The following PPP2R3B variants were observed in gnomAD, a reference collection of about 807,000 sequenced individuals.
The protein encoded by PPP2R3B is protein phosphatase 2 regulatory subunit B''beta.
Under a neutral mutation model 72.9 loss-of-function variants are expected in PPP2R3B, and 68 were observed. The observed-to-expected ratio is 0.93, with a 90% CI of 0.77 to 1.14. The LOEUF (loss-of-function observed/expected upper bound fraction) is 1.14, where lower values mean the gene tolerates loss of function less well. Ranked by LOEUF, PPP2R3B falls within the 50% of genes most tolerant of loss-of-function variation. PPP2R3B has a pLI of 0.00. For synonymous variants in PPP2R3B, 466 were observed against 375.8 expected (o/e 1.24, Z -2.78); for missense variants, 1,018 against 842.0 (o/e 1.21, Z -2.59).
chrX:381,322 A>G (rs2072119085), intron 1 of PPP2R3B, among the ~76,000 whole-genome samples: 1 of 152,202 alleles, frequency 6.6e-6, no homozygotes, highest in African/African-American at 2.4e-5. Context: ...CTCTCTGCTC[A>G]GTAACGATGA....
chrX:345,759 G>A, intron 6 of PPP2R3B, 87 bp from the exon 7 acceptor site: 2 of 1,516,056 alleles, frequency 1.3e-6, no homozygotes, highest in Non-Finnish European at 9.0e-7. Context: ...AGGGAAGGCT[G>A]GGAGGGTCGG....
rs1428126403 is a variant in PPP2R3B at position 386,439 on chromosome X, G to C, written c.253C>G (p.Leu85Val). 6 of 1,317,064 alleles carry C rather than the reference G, an allele frequency of 4.6e-6. No individual in the cohort carries two copies. In the African/African-American group the frequency reaches 6.0e-5, roughly 13 times the overall value. 81.6% of individuals were successfully genotyped at this position (1,317,064 alleles called of 1,614,324 possible). The change falls in exon 1 of 13, where the codon CTG becomes GTG. Residue 85 changes from leucine (L) to valine (V), a missense_variant. Leu to Val is a conservative substitution (Grantham distance 32). Coordinates refer to ENST00000390665, the MANE Select transcript of PPP2R3B (RefSeq NM_013239.5). ...GTPGPGPALP[L>V]GAASSPRNAP... ...TTCCTGGGGCTGGAGGCGGCGCCCA[G>C]GGGCAGCGCAGGGCCCGGCCCGGGG... is the stretch of plus-strand genomic sequence containing the variant.
chrX:336,422 G>A (rs6645102), intron 12 of PPP2R3B: 49,199 of 151,944 alleles, frequency 0.32, 8,258 homozygotes, highest in African/African-American at 0.38. Flanking sequence ...TTACCGCTGC[G>A]TGAGGGGAGA....
At chrX:374,011 C>T (rs2071932479) in intron 1 of PPP2R3B, 1 of 152,524 alleles carries the variant, frequency 6.6e-6, no homozygotes, top group Admixed American at 6.5e-5. Flanking sequence ...TCCGGCCGGG[C>T]AAGGGGGCGC....
chrX:347,470 C>T (rs772510116), intron 3 of PPP2R3B, 120 bp downstream of exon 3: 3 of 1,345,272 alleles, frequency 2.2e-6, no homozygotes, highest in Non-Finnish European at 3.2e-6. Context: ...CAGGCCTGTG[C>T]CCGTACAAGG....
intron 1 of PPP2R3B, among the ~76,000 whole-genome samples, chrX:376,532 G>A (rs1281401600): frequency 4.5e-4 from 61 of 136,120 alleles, no homozygotes; most frequent in Middle Eastern, 8.2e-3. Flanking sequence ...GGGACGGGCC[G>A]TCCACACCCA....
At chrX:346,546 G>A (rs1368709945) in intron 5 of PPP2R3B, 155 bp downstream of exon 5, 1 of 733,962 alleles carries the variant, frequency 1.4e-6, no homozygotes, top group Non-Finnish European at 2.2e-6. Flanking sequence ...CCGGGCTCCC[G>A]GGCGGGTGGA....
rs2072249284 is a variant in PPP2R3B, at chrX:386,357, G to C, written c.324+11C>G. 2.3e-6 allele frequency: 3 copies of C among 1,311,224 alleles called. No individual in the cohort carries two copies. The highest frequency in any genetic ancestry group is 3.0e-5 in the African/African-American group (2 of 66,218). The allele number at this position is 1,311,224 out of a possible 1,614,324, so 81.2% of individuals were successfully genotyped here. On this transcript the variant is annotated intron_variant, in intron 1 of 12. Coordinates refer to ENST00000390665, the MANE Select transcript of PPP2R3B (RefSeq NM_013239.5). ...CCTGCGCAGTTGTTAGCAGAAGGAA[G>C]AGTAACTTACTACTCTCGTCCCTGC... is the stretch of plus-strand genomic sequence containing the variant.
chrX:351,014 G>C (rs575998673), intron 2 of PPP2R3B, among the ~76,000 whole-genome samples: 56 of 152,202 alleles, frequency 3.7e-4, no homozygotes, highest in Non-Finnish European at 4.7e-4. Context: ...GTGACCACGG[G>C]GGGGCGTGGG....
At chrX:348,127 T>C (rs2071261516) in intron 2 of PPP2R3B, among the ~76,000 whole-genome samples, 1 of 152,086 alleles carries the variant, frequency 6.6e-6, no homozygotes, top group Non-Finnish European at 1.5e-5. Flanking sequence ...TTCACAGCCT[T>C]AAATACACGC....
chrX:369,054 C>T (rs1359265383), intron 1 of PPP2R3B, among the ~76,000 whole-genome samples: 3 of 152,224 alleles, frequency 2.0e-5, no homozygotes, highest in Admixed American at 6.5e-5. Flanking sequence ...CTTTTCAACA[C>T]ACACAGCTCA....
chrX:374,352 C>A (rs917311589), intron 1 of PPP2R3B, among the ~76,000 whole-genome samples: 66 of 152,332 alleles, frequency 4.3e-4, no homozygotes, highest in African/African-American at 1.5e-3. Context: ...CCCAGACATC[C>A]CGGCAGCCCG....
At chrX:375,309 C>T (rs1316156212) in intron 1 of PPP2R3B, among the ~76,000 whole-genome samples, 8 of 152,104 alleles carry the variant, frequency 5.3e-5, no homozygotes, top group African/African-American at 9.7e-5. Flanking sequence ...CAGTAACCCA[C>T]GATGCGGGGC....
At position 386,800 on chromosome X, in the gene PPP2R3B, G is replaced by C; in HGVS notation, c.-109C>G. 1 of 626,190 alleles carries C rather than the reference G, an allele frequency of 1.6e-6. No homozygotes were observed. The highest frequency in any genetic ancestry group is 2.1e-6 in the Non-Finnish European group (1 of 466,118). 38.8% of individuals were successfully genotyped at this position (626,190 alleles called of 1,614,324 possible). ...GTGATGCGAGCACGGCCCGCTGAGGGGGCGCGGCGCAGGGAACAGGGCCCG... is the reference window on the plus strand; with the variant it reads ...GTGATGCGAGCACGGCCCGCTGAGGCGGCGCGGCGCAGGGAACAGGGCCCG... On this transcript the variant is annotated 5_prime_UTR_variant, in exon 1 of 13. Transcript: ENST00000390665.
intron 1 of PPP2R3B, among the ~76,000 whole-genome samples, chrX:368,180 G>C (rs1023112110): frequency 3.4e-5 from 5 of 147,926 alleles, no homozygotes; most frequent in Admixed American, 2.7e-4. Context: ...ACCCACCTTG[G>C]GCACTGACGG....
rs1030098978 is a variant in PPP2R3B at position 386,568 on chromosome X, G to A, written c.124C>T (p.Pro42Ser). 4.9e-6 allele frequency: 7 copies of A among 1,442,152 alleles called. No individual in the cohort carries two copies. The African/African-American group carries it at 1.0e-4, about 21-fold the overall frequency. 89.3% of individuals were successfully genotyped at this position (1,442,152 alleles called of 1,614,324 possible). ...CCCGGGGTCGGCTGGTCCCGCCCGG[G>A]CGCCTTGATCCGGCGCAGGCAGTCC... Reference protein sequence around the residue: ...LQDCLRRIKAPGRDQPTPGDG... With the variant: ...LQDCLRRIKASGRDQPTPGDG... Residue 42 changes from proline (P) to serine (S), a missense_variant, in exon 1 of 13, where the codon CCC becomes TCC. Physicochemically the swap from Pro to Ser is moderately conservative, Grantham distance 74. Coordinates refer to ENST00000390665, the MANE Select transcript of PPP2R3B (RefSeq NM_013239.5).
At chrX:344,656 C>T (rs1490065824) in intron 7 of PPP2R3B, among the ~76,000 whole-genome samples, 3 of 152,222 alleles carry the variant, frequency 2.0e-5, no homozygotes, top group Non-Finnish European at 2.9e-5. Context: ...CACGGGCCGG[C>T]GCTGTGGAGC....
chrX:354,263 C>T (rs866485862), intron 2 of PPP2R3B, among the ~76,000 whole-genome samples: 12 of 146,210 alleles, frequency 8.2e-5, no homozygotes, highest in African/African-American at 2.8e-4. Flanking sequence ...CTCACCCAAA[C>T]ACCAGGGGCT....
chrX:376,742 G>T (rs1355138783), intron 1 of PPP2R3B, among the ~76,000 whole-genome samples: 1 of 91,486 alleles, frequency 1.1e-5, no homozygotes, highest in Non-Finnish European at 2.3e-5. Context: ...CCACCATGGG[G>T]CTGTCTATAC....
Sources: allele counts gnomAD v4.1 joint callset (sites outside exome capture counted in the v4.1 genomes callset), GRCh38; gene constraint gnomAD v4.1.1; transcripts MANE v1.5; gene names NCBI Gene and HGNC (gene_info 2026-07-23, HGNC 2026-07-21).